Variants in CCNT2 observed in about 807,000 individuals in gnomAD.
CCNT2 encodes the protein cyclin-T2.
CCNT2 carries 18 observed loss-of-function variants against 70.0 expected under a neutral mutation model. That is an observed-to-expected ratio of 0.26 (90% CI 0.18 to 0.38). CCNT2 has a LOEUF of 0.38. Ranked by LOEUF, CCNT2 falls within the 10% of genes least tolerant of loss-of-function variation. The probability of loss-of-function intolerance (pLI) is 1.00; values close to 1 mark genes in which losing one functional copy is unlikely to be tolerated. For missense variants in CCNT2, 734 were observed against 890.2 expected (o/e 0.82, Z 2.23); for synonymous variants, 334 against 313.3 (o/e 1.07, Z -0.70).
intron 5 of CCNT2, chr2:134,945,593 A>G: frequency 1.0e-6 from 1 of 985,382 alleles, no homozygotes. Context: ...GTTGATGCTT[A>G]ATAGCATGAT....
intron 5 of CCNT2, chr2:134,944,879 T>C: frequency 2.0e-6 from 2 of 985,180 alleles, no homozygotes; most frequent in Non-Finnish European, 2.4e-6. Flanking sequence ...GCTAATGGCA[T>C]TTTTTAATTA....
Position 134,939,034 on chromosome 2 carries a change from A to C in CCNT2, c.402A>C (p.Ile134=). The C allele has an allele frequency of 6.2e-7, 1 of 1,610,994 alleles. No homozygotes were observed. Among genetic ancestry groups the C allele is most frequent in the South Asian group, 1.1e-5 (1 of 90,880 alleles). Residue 134 remains isoleucine (I), a synonymous_variant, in exon 4 of 9, where the codon ATA becomes ATC. Coordinates refer to ENST00000264157, the MANE Select transcript of CCNT2 (RefSeq NM_058241.3). The stretch of plus-strand genomic sequence containing the variant: ...TTCAACAGACTCAAGAACTGGTTAT[A>C]CTTGAAACCATAATGCTACAAACTC... ...AYLQQTQELV[I]LETIMLQTLG...
rs1682762728 is a variant in CCNT2 at position 134,954,270 on chromosome 2, G to C, written c.1815G>C (p.Leu605=). The change falls in exon 9 of 9, where the codon CTG becomes CTC. Residue 605 remains leucine, a synonymous_variant. Coordinates refer to ENST00000264157, the MANE Select transcript of CCNT2 (RefSeq NM_058241.3). ...PPTVLRSPVG[L]SSDGISSSSS... is the part of the protein sequence containing the mutation. The stretch of plus-strand genomic sequence containing the variant: ...CTGTTCTGAGGAGTCCTGTTGGCCT[G>C]AGCAGTGATGGCATTTCCTCTAGCT... The C allele has an allele frequency of 1.9e-6, 3 of 1,614,184 alleles. No homozygotes were observed. Among genetic ancestry groups the C allele is most frequent in the Non-Finnish European group, 2.5e-6 (3 of 1,180,022 alleles).
At chr2:134,944,725 T>A in intron 5 of CCNT2, 9 of 984,844 alleles carry the variant, frequency 9.1e-6, no homozygotes, top group Non-Finnish European at 9.6e-6. Context: ...CACTCCATTT[T>A]AAAAGTACTG....
At chr2:134,919,550 C>G (rs973226456) in intron 1 of CCNT2, among the ~76,000 whole-genome samples, 9 of 152,052 alleles carry the variant, frequency 5.9e-5, no homozygotes, top group African/African-American at 2.2e-4. Context: ...TTTAGTTAGT[C>G]GTAGCCATTG....
intron 6 of CCNT2, among the ~76,000 whole-genome samples, chr2:134,947,351 T>G (rs1350526632): frequency 2.0e-5 from 3 of 152,216 alleles, no homozygotes; most frequent in Non-Finnish European, 4.4e-5. Flanking sequence ...ATAGTTTTTA[T>G]CTTTCCATTT....
chr2:134,943,258 G>C (rs914736112), intron 5 of CCNT2: 1 of 366,586 alleles, frequency 2.7e-6, no homozygotes, highest in African/African-American at 2.2e-5. Flanking sequence ...AAAATTAGCT[G>C]GTTGTGGTGG....
At chr2:134,948,148 T>A (rs1346088750) in intron 7 of CCNT2, among the ~76,000 whole-genome samples, 2 of 151,820 alleles carry the variant, frequency 1.3e-5, no homozygotes, top group African/African-American at 4.8e-5. Context: ...AGACCCTGTC[T>A]CTACAAAAAA....
At chr2:134,933,317 A>G (rs1287191078) in intron 2 of CCNT2, among the ~76,000 whole-genome samples, 1 of 152,226 alleles carries the variant, frequency 6.6e-6, no homozygotes, top group Non-Finnish European at 1.5e-5. Context: ...AGAATGATTC[A>G]TTGAAACTGA....
Position 134,956,844 on chromosome 2 carries a change from C to T in CCNT2, c.*2196C>T, listed in dbSNP as rs1237731238. 6.6e-6 allele frequency: 1 copy of T among 152,580 alleles called. No individual in the cohort carries two copies. The highest frequency in any genetic ancestry group is 2.4e-5 in the African/African-American group (1 of 41,438). The allele number at this position is 152,580 out of a possible 1,614,324, so 9.5% of individuals were successfully genotyped here. A position where few individuals can be genotyped will look rare whatever the true frequency, so the allele number is the denominator to read the frequency against. ...AATAAAGGTAATTTTATTGAATCTT[C>T]ATTGGTGCTAATGATGGACAGTTAA... On this transcript the variant is annotated 3_prime_UTR_variant, in exon 9 of 9. Transcript: ENST00000264157.
intron 2 of CCNT2, among the ~76,000 whole-genome samples, chr2:134,932,437 ATTC>A (rs1680849973): frequency 6.6e-6 from 1 of 152,202 alleles, no homozygotes; most frequent in Admixed American, 6.5e-5. Flanking sequence ...GTCAAGCCTT[ATTC>A]TCTTAATCAG....
Position 134,953,873 on chromosome 2 carries a change from C to G in CCNT2, c.1418C>G (p.Ala473Gly), listed in dbSNP as rs1481723170. The G allele has an allele frequency of 6.2e-7, 1 of 1,613,998 alleles. No individual in the cohort carries two copies. Among genetic ancestry groups the G allele is most frequent in the Non-Finnish European group, 8.5e-7 (1 of 1,179,998 alleles). ...CACAAACAAGGGCAGTCACAGGCAGCCAGCAGCAGTTCTGTTACTTCTCCC... is the reference window on the plus strand; with the variant it reads ...CACAAACAAGGGCAGTCACAGGCAGGCAGCAGCAGTTCTGTTACTTCTCCC... ...QQHKQGQSQA[A>G]SSSSVTSPIK... The change falls in exon 9 of 9, where the codon GCC becomes GGC. Residue 473 changes from alanine to glycine, a missense_variant. Coordinates refer to ENST00000264157, the MANE Select transcript of CCNT2 (RefSeq NM_058241.3).
At chr2:134,945,960 C>A in intron 5 of CCNT2, 141 bp from the exon 6 acceptor site, 8 of 1,559,082 alleles carry the variant, frequency 5.1e-6, no homozygotes, top group Non-Finnish European at 6.9e-6. Context: ...AAAATGATGG[C>A]GCTCTTGTGA....
chr2:134,929,568 A>G (rs1680568956), intron 2 of CCNT2, among the ~76,000 whole-genome samples: 1 of 148,362 alleles, frequency 6.7e-6, no homozygotes, highest in Non-Finnish European at 1.5e-5. Flanking sequence ...CGTTCACGCC[A>G]CTGCACTCCA....
At chr2:134,943,956 T>C in intron 5 of CCNT2, 4 of 957,952 alleles carry the variant, frequency 4.2e-6, no homozygotes, top group Non-Finnish European at 5.0e-6. Flanking sequence ...TCACATTTTA[T>C]TCATTCTAAA....
intron 4 of CCNT2, among the ~76,000 whole-genome samples, chr2:134,940,032 A>G (rs952289732): frequency 6.6e-6 from 1 of 152,172 alleles, no homozygotes; most frequent in Non-Finnish European, 1.5e-5. Flanking sequence ...AACTTGGGCA[A>G]AAGTTCCTTT....
At chr2:134,938,033 A>G (rs1214045543) in intron 3 of CCNT2, among the ~76,000 whole-genome samples, 1 of 152,218 alleles carries the variant, frequency 6.6e-6, no homozygotes, top group Admixed American at 6.5e-5. Context: ...CAATGGAACT[A>G]TATCTGATTT....
At chr2:134,920,207 T>C (rs1360830602) in intron 2 of CCNT2, 1 of 194,290 alleles carries the variant, frequency 5.1e-6, no homozygotes, top group Non-Finnish European at 1.1e-5. Context: ...TCAGTAGTGA[T>C]GTACAGTGGA....
chr2:134,947,958 T>C (rs1223849899), intron 7 of CCNT2, 59 bp downstream of exon 7: 27 of 1,005,332 alleles, frequency 2.7e-5, no homozygotes, highest in Non-Finnish European at 3.8e-5. Flanking sequence ...GTTGTCTGAA[T>C]TGACAATAGA....
Sources: allele counts gnomAD v4.1 joint callset (sites outside exome capture counted in the v4.1 genomes callset), GRCh38; gene constraint gnomAD v4.1.1; transcripts MANE v1.5; gene names NCBI Gene and HGNC (gene_info 2026-07-23, HGNC 2026-07-21).